ZNRF3: variants seen among roughly 807,000 people sequenced by gnomAD.
The protein encoded by ZNRF3 is E3 ubiquitin-protein ligase ZNRF3.
ZNRF3 carries 23 observed loss-of-function variants against 72.5 expected under a neutral mutation model. The observed-to-expected ratio is 0.32, with a 90% CI of 0.23 to 0.45. The LOEUF (loss-of-function observed/expected upper bound fraction) is 0.45, where lower values mean the gene tolerates loss of function less well. Ranked by LOEUF, ZNRF3 falls within the 20% of genes least tolerant of loss-of-function variation. The pLI, the probability that ZNRF3 is intolerant of heterozygous loss-of-function variation, is 1.00. For synonymous variants in ZNRF3, 610 were observed against 545.3 expected, an observed-to-expected ratio of 1.12 and a Z score of -1.65; for missense variants, 1,169 against 1,272.1, an observed-to-expected ratio of 0.92 and a Z score of 1.23.
intron 2 of ZNRF3, among the ~76,000 whole-genome samples, chr22:29,028,314 A>G (rs533757275): frequency 2.6e-5 from 4 of 152,298 alleles, no homozygotes; most frequent in Non-Finnish European, 5.9e-5. Flanking sequence ...GGAGGGCCAG[A>G]TGTGATGCAA....
intron 2 of ZNRF3, among the ~76,000 whole-genome samples, chr22:28,993,799 C>T (rs2035996710): frequency 6.6e-6 from 1 of 152,236 alleles, no homozygotes; most frequent in South Asian, 2.1e-4. Flanking sequence ...CCTCCCACTT[C>T]AGCCTCCCAA....
chr22:29,004,760 A>C (rs912681084), intron 2 of ZNRF3, among the ~76,000 whole-genome samples: 2 of 152,192 alleles, frequency 1.3e-5, no homozygotes, highest in South Asian at 4.1e-4. Flanking sequence ...TGGCGGCTGC[A>C]GTGGCGGCTC....
chr22:28,961,203 C>A (rs1241201973), intron 1 of ZNRF3, among the ~76,000 whole-genome samples: 1 of 152,206 alleles, frequency 6.6e-6, no homozygotes, highest in Non-Finnish European at 1.5e-5. Context: ...CTAATCTGTT[C>A]ATGAGGGAAG....
chr22:29,039,078 A>G (rs896386093), intron 2 of ZNRF3, among the ~76,000 whole-genome samples: 1 of 152,054 alleles, frequency 6.6e-6, no homozygotes, highest in Non-Finnish European at 1.5e-5. Flanking sequence ...CTGCCTTATT[A>G]CTGACCTGCC....
Position 29,050,649 on chromosome 22 carries a change from G to A in ZNRF3, c.2468G>A (p.Arg823Gln), listed in dbSNP as rs1375956230. ...EPPPGCYPGARDLSQRIPIIP... is the reference protein window; with the variant it reads ...EPPPGCYPGAQDLSQRIPIIP... The stretch of plus-strand genomic sequence containing the variant: ...CCGCCCGGCTGCTACCCCGGGGCCC[G>A]GGACCTGAGCCAGCGCATCCCCATC... Residue 823 changes from arginine (R) to glutamine (Q), a missense_variant, in exon 8 of 9, where the codon CGG becomes CAG. By Grantham distance (43) the Arg-to-Gln change is conservative. Transcript: ENST00000544604. 21 of 1,611,812 alleles carry A rather than the reference G, an allele frequency of 1.3e-5. No homozygotes were observed. The East Asian group carries it at 4.5e-4, about 34-fold the overall frequency.
chr22:28,982,618 G>T (rs528800753), intron 1 of ZNRF3, among the ~76,000 whole-genome samples: 1 of 151,016 alleles, frequency 6.6e-6, no homozygotes. Flanking sequence ...TAATAGGAAA[G>T]GCCTCTGTTT....
At chr22:28,888,967 T>A (rs932971631) in intron 1 of ZNRF3, among the ~76,000 whole-genome samples, 2 of 152,074 alleles carry the variant, frequency 1.3e-5, no homozygotes, top group African/African-American at 2.4e-5. Flanking sequence ...CAAAAAAAAT[T>A]AGCCAGGTGT....
chr22:29,045,954 G>GA (rs1397661348), intron 5 of ZNRF3, among the ~76,000 whole-genome samples: 5 of 152,176 alleles, frequency 3.3e-5, no homozygotes, highest in Non-Finnish European at 7.3e-5. Context: ...TCCTCAGATA[G>GA]AATCTGTGGT....
chr22:28,967,505 A>C (rs376819135), intron 1 of ZNRF3, among the ~76,000 whole-genome samples: 2 of 152,246 alleles, frequency 1.3e-5, no homozygotes, highest in South Asian at 2.1e-4. Flanking sequence ...ACAGAAAAGA[A>C]AAGACTACCT....
chr22:29,022,861 A>G (rs1364532908), intron 2 of ZNRF3, among the ~76,000 whole-genome samples: 4 of 152,192 alleles, frequency 2.6e-5, no homozygotes, highest in African/African-American at 9.7e-5. Context: ...TCCCTGTAAC[A>G]AATGAGAGTT....
intron 8 of ZNRF3, among the ~76,000 whole-genome samples, chr22:29,052,625 C>T (rs1029584129): frequency 1.3e-5 from 2 of 151,248 alleles, no homozygotes; most frequent in African/African-American, 2.4e-5. Flanking sequence ...CCCGGGACGC[C>T]GTTGTTGCAG....
In ZNRF3 at chr22:28,987,308, A is replaced by G. The variant is rs898000795; in HGVS notation, c.426+107A>G. 15 of 1,492,276 alleles carry G rather than the reference A, an allele frequency of 1.0e-5. No homozygotes were observed. The African/African-American group carries it at 2.0e-4, about 20-fold the overall frequency. The allele number at this position is 1,492,276 out of a possible 1,614,324, so 92.4% of individuals were successfully genotyped here. On this transcript the variant is annotated intron_variant, in intron 2 of 8. Transcript: ENST00000544604. The stretch of plus-strand genomic sequence containing the variant: ...TTATGGAGAAGAGCCATGCTGGCAC[A>G]GTGCTCCTTCCCGGCTGAAGTTGCA...
At chr22:28,900,319 C>T (rs967171587) in intron 1 of ZNRF3, among the ~76,000 whole-genome samples, 3 of 152,186 alleles carry the variant, frequency 2.0e-5, no homozygotes, top group Non-Finnish European at 4.4e-5. Context: ...TGTTAGGGTG[C>T]CCTGCTCACG....
intron 2 of ZNRF3, chr22:29,025,785 G>C (rs2036624277): frequency 6.6e-6 from 1 of 152,262 alleles, no homozygotes; most frequent in Admixed American, 6.5e-5. Context: ...GCCTCCCAAA[G>C]TGCTGGGATT....
At chr22:28,976,191 G>T (rs2035671014) in intron 1 of ZNRF3, among the ~76,000 whole-genome samples, 1 of 152,054 alleles carries the variant, frequency 6.6e-6, no homozygotes. Context: ...TGAGGCAGAG[G>T]TTGCATTGAG....
intron 1 of ZNRF3, among the ~76,000 whole-genome samples, chr22:28,943,147 C>T (rs2034978694): frequency 6.6e-6 from 1 of 152,190 alleles, no homozygotes; most frequent in South Asian, 2.1e-4. Context: ...TGGGCAGCTG[C>T]TGCTGGTCTG....
chr22:28,912,237 G>A (rs2034331245), intron 1 of ZNRF3, among the ~76,000 whole-genome samples: 1 of 152,170 alleles, frequency 6.6e-6, no homozygotes, highest in Non-Finnish European at 1.5e-5. Flanking sequence ...CAGAACCAAA[G>A]CACGTGTCAG....
intron 1 of ZNRF3, among the ~76,000 whole-genome samples, chr22:28,937,215 ATT>A (rs370829828): frequency 3.6e-3 from 32 of 8,830 alleles, no homozygotes; most frequent in Middle Eastern, 0.12. Flanking sequence ...ATATATATAT[ATT>A]TTTTTTTTTT....
Position 29,050,257 on chromosome 22 carries a change from G to A in ZNRF3, c.2076G>A (p.Gly692=), listed in dbSNP as rs755201540. 2 of 1,598,598 alleles carry A rather than the reference G, an allele frequency of 1.3e-6. No individual in the cohort carries two copies. Among genetic ancestry groups the A allele is most frequent in the South Asian group, 1.1e-5 (1 of 91,014 alleles). The part of the protein sequence containing the change: ...TSEVGLEASP[G]AAPDLRRTWK... ...AAGTGGGGCTCGAGGCTTCTCCTGG[G>A]GCCGCCCCTGACCTCAGGAGGACCT... is the stretch of plus-strand genomic sequence containing the variant. The change falls in exon 8 of 9, where the codon GGG becomes GGA. Residue 692 remains glycine (G), a synonymous_variant. Transcript: ENST00000544604.
Sources: gnomAD v4.1 joint callset for allele counts (sites outside exome capture counted in the v4.1 genomes callset) on GRCh38, gnomAD v4.1.1 for gene constraint, MANE v1.5 for transcripts, NCBI Gene and HGNC (gene_info 2026-07-23, HGNC 2026-07-21) for gene names.